Variants in DNM3 observed in about 807,000 individuals in gnomAD.
DNM3 encodes dynamin-3.
A neutral mutation model predicts 101.6 loss-of-function variants in DNM3; 47 were observed. The observed-to-expected ratio is 0.46, with a 90% CI of 0.37 to 0.59. The LOEUF is 0.59. Among genes scored for constraint, DNM3 ranks in the 20% least tolerant of loss-of-function variants. The pLI, the probability that DNM3 is intolerant of heterozygous loss-of-function variation, is 0.00. For missense variants in DNM3, 849 were observed against 1,085.7 expected (o/e 0.78, Z 3.06); for synonymous variants, 385 against 387.9 (o/e 0.99, Z 0.09).
intron 16 of DNM3, among the ~76,000 whole-genome samples, chr1:172,322,392 C>T (rs934847308): frequency 1.3e-5 from 2 of 152,190 alleles, no homozygotes; most frequent in Non-Finnish European, 2.9e-5. Context: ...TATCCCATCA[C>T]GTCTCCCCCA....
intron 2 of DNM3, among the ~76,000 whole-genome samples, chr1:171,952,339 C>G (rs187769528): frequency 1.6e-4 from 25 of 152,264 alleles, no homozygotes; most frequent in African/African-American, 5.8e-4. Context: ...TTTTGATTTT[C>G]TTTAGGATCT....
chr1:172,402,446 CA>C (rs1444954414), intron 20 of DNM3, among the ~76,000 whole-genome samples: 1 of 152,102 alleles, frequency 6.6e-6, no homozygotes, highest in African/African-American at 2.4e-5. Flanking sequence ...GTAAATCTTG[CA>C]ATGTAAAAGA....
intron 20 of DNM3, chr1:172,394,061 C>T (rs1041362720): frequency 1.4e-4 from 21 of 152,270 alleles, no homozygotes; most frequent in Middle Eastern, 6.8e-3. Flanking sequence ...AGCCTTGTTC[C>T]AATTTCACCA....
intron 17 of DNM3, among the ~76,000 whole-genome samples, chr1:172,324,658 A>G (rs1300597948): frequency 6.6e-6 from 1 of 152,166 alleles, no homozygotes; most frequent in East Asian, 1.9e-4. Context: ...AACTAATTCC[A>G]CCACTCTTTG....
intron 15 of DNM3, among the ~76,000 whole-genome samples, chr1:172,283,178 T>C (rs907465181): frequency 3.3e-5 from 5 of 152,198 alleles, no homozygotes; most frequent in African/African-American, 9.7e-5. Flanking sequence ...AGGGGCTCCA[T>C]ATTGCTTCAG....
At chr1:172,344,687 A>C (rs147654225) in intron 17 of DNM3, among the ~76,000 whole-genome samples, 1 of 152,222 alleles carries the variant, frequency 6.6e-6, no homozygotes, top group Admixed American at 6.5e-5. Context: ...GCTGAACCAC[A>C]GTCAGATCTA....
At chr1:172,400,547 A>G (rs1446803723) in intron 20 of DNM3, among the ~76,000 whole-genome samples, 1 of 152,134 alleles carries the variant, frequency 6.6e-6, no homozygotes, top group East Asian at 1.9e-4. Flanking sequence ...CTTTCTCTGC[A>G]TGCTTTCTCA....
At position 172,222,884 on chromosome 1, in the gene DNM3, G is replaced by A. The variant is rs538796246; in HGVS notation, c.1660-30689G>A. Among the ~76,000 whole-genome samples, 7 of 152,154 alleles carry A rather than the reference G, an allele frequency of 4.6e-5. No homozygotes were observed. In the South Asian group the frequency reaches 1.5e-3, roughly 32 times the overall value. ...ACACAAACAAAATCTAGAAAAAGAT[G>A]TATGTATGATTCTTGTCCTTCTCTA... On this transcript the variant is annotated intron_variant, in intron 14 of 20. Coordinates refer to ENST00000627582, the MANE Select transcript of DNM3 (RefSeq NM_015569.5).
intron 2 of DNM3, among the ~76,000 whole-genome samples, chr1:171,947,121 G>A (rs2042220711): frequency 1.3e-5 from 2 of 152,218 alleles, no homozygotes; most frequent in Non-Finnish European, 2.9e-5. Flanking sequence ...TGGTGCAGTG[G>A]TGGGATTACC....
intron 7 of DNM3, among the ~76,000 whole-genome samples, chr1:172,041,664 T>C (rs1436483712): frequency 6.6e-6 from 1 of 152,148 alleles, no homozygotes; most frequent in Non-Finnish European, 1.5e-5. Context: ...TGTGATGTCA[T>C]AGGAGTTCAG....
intron 17 of DNM3, among the ~76,000 whole-genome samples, chr1:172,371,048 G>T (rs2068295315): frequency 6.6e-6 from 1 of 151,964 alleles, no homozygotes; most frequent in Non-Finnish European, 1.5e-5. Flanking sequence ...ATTCTCAAAA[G>T]CCATCACTTT....
In DNM3 at chr1:172,408,574, A is replaced by T. The variant is rs952363737; in HGVS notation, c.*733A>T. On this transcript the variant is annotated 3_prime_UTR_variant, in exon 21 of 21. Coordinates refer to ENST00000627582, the MANE Select transcript of DNM3 (RefSeq NM_015569.5). The stretch of plus-strand genomic sequence containing the variant: ...TAATTAGTTTCAGAGTTCAAGGAAG[A>T]AGCAAAATATCACATCTCTAGAAGT... 3.0e-6 allele frequency: 3 copies of T among 985,150 alleles called. No homozygotes were observed. In the African/African-American group the frequency reaches 5.2e-5, roughly 17 times the overall value. The allele number at this position is 985,150 out of a possible 1,614,324, so 61.0% of individuals were successfully genotyped here. A position where few individuals can be genotyped will look rare whatever the true frequency, so the allele number is the denominator to read the frequency against.
chr1:172,356,253 A>G (rs1371384031), intron 17 of DNM3, among the ~76,000 whole-genome samples: 1 of 152,086 alleles, frequency 6.6e-6, no homozygotes, highest in East Asian at 1.9e-4. Flanking sequence ...GTAAACATTT[A>G]GGTAAATCTA....
chr1:171,885,888 T>C (rs1328774276), intron 1 of DNM3, among the ~76,000 whole-genome samples: 1 of 152,116 alleles, frequency 6.6e-6, no homozygotes, highest in African/African-American at 2.4e-5. Flanking sequence ...TCTTGGACTT[T>C]GGTTTGGGGT....
intron 15 of DNM3, among the ~76,000 whole-genome samples, chr1:172,264,130 G>T (rs2062771120): frequency 6.6e-6 from 1 of 152,116 alleles, no homozygotes; most frequent in South Asian, 2.1e-4. Context: ...TGATGTAGAG[G>T]ACATAGAAAA....
intron 16 of DNM3, among the ~76,000 whole-genome samples, chr1:172,311,588 C>A (rs550494036): frequency 2.6e-5 from 4 of 152,008 alleles, no homozygotes; most frequent in Non-Finnish European, 4.4e-5. Context: ...AGAGTGATAC[C>A]CTGTCTCAGA....
intron 2 of DNM3, among the ~76,000 whole-genome samples, chr1:171,972,493 A>G (rs2125551671): frequency 6.6e-6 from 1 of 152,350 alleles, no homozygotes; most frequent in Admixed American, 6.5e-5. Context: ...ATATACTATA[A>G]TAGTGATAAA....
chr1:172,223,682 G>A (rs1310145785), intron 14 of DNM3, among the ~76,000 whole-genome samples: 1 of 152,010 alleles, frequency 6.6e-6, no homozygotes, highest in African/African-American at 2.4e-5. Flanking sequence ...TTCAATCTCT[G>A]TTTTACCTAC....
intron 15 of DNM3, among the ~76,000 whole-genome samples, chr1:172,289,202 T>A (rs2063810902): frequency 6.6e-6 from 1 of 152,092 alleles, no homozygotes; most frequent in Non-Finnish European, 1.5e-5. Context: ...TCTGAGAGGT[T>A]CTGAATAAAA....
Sources: allele counts gnomAD v4.1 joint callset (sites outside exome capture counted in the v4.1 genomes callset), GRCh38; gene constraint gnomAD v4.1.1; transcripts MANE v1.5; gene names NCBI Gene and HGNC (gene_info 2026-07-23, HGNC 2026-07-21).